Variants in MAEA observed in about 807,000 individuals in gnomAD.
The protein encoded by MAEA is E3 ubiquitin-protein transferase MAEA.
MAEA carries 22 observed loss-of-function variants against 46.2 expected under a neutral mutation model. The ratio of observed to expected loss-of-function variants is 0.48; its 90% confidence interval spans 0.34 to 0.68. The LOEUF is 0.68. Ranked by LOEUF, MAEA falls within the 30% of genes least tolerant of loss-of-function variation. The pLI, the probability that MAEA is intolerant of heterozygous loss-of-function variation, is 0.01. For synonymous variants in MAEA, 246 were observed against 222.6 expected (o/e 1.11, Z -0.94); for missense variants, 393 against 558.1 (o/e 0.70, Z 2.98).
chr4:1,290,160 G>GGGCGGC (rs1733954400), intron 1 of MAEA, among the ~76,000 whole-genome samples, 178 bp downstream of exon 1: 1 of 150,968 alleles, frequency 6.6e-6, no homozygotes, highest in African/African-American at 2.4e-5. Context: ...GGTGTGGCGG[G>GGGCGGC]GGCGGCGGCT....
intron 2 of MAEA, among the ~76,000 whole-genome samples, chr4:1,314,189 G>T (rs111726034): frequency 1.0e-4 from 15 of 150,706 alleles, no homozygotes; most frequent in African/African-American, 3.2e-4. Context: ...AATTAGCCGG[G>T]CATGGTGTAC....
At chr4:1,323,119 G>A (rs546473412) in intron 4 of MAEA, among the ~76,000 whole-genome samples, 1 of 151,874 alleles carries the variant, frequency 6.6e-6, no homozygotes, top group East Asian at 1.9e-4. Context: ...GCTAATTTTT[G>A]TATTTTTAGT....
rs545643378 is a variant in MAEA, at chr4:1,300,772, C to A, written c.69+10790C>A. 2.4e-4 allele frequency among the ~76,000 whole-genome samples: 37 copies of A among 152,390 alleles called. No individual in the cohort carries two copies. In the East Asian group the frequency reaches 5.2e-3, roughly 21 times the overall value. On this transcript the variant is annotated intron_variant, in intron 1 of 8. Transcript: ENST00000303400. Reference sequence around the variant, plus strand: ...GAGCTCAGGGCCGACAGCACTCTTGCCACTGCGAGCTTTGTAGGGCGCAAC... The same window carrying A: ...GAGCTCAGGGCCGACAGCACTCTTGACACTGCGAGCTTTGTAGGGCGCAAC...
At chr4:1,334,854 C>A (rs1257580134) in intron 6 of MAEA, 1 of 985,308 alleles carries the variant, frequency 1.0e-6, no homozygotes, top group Non-Finnish European at 1.2e-6. Flanking sequence ...TGAGGACCTT[C>A]TGGACTGTGG....
At chr4:1,319,965 T>A (rs1420205651) in intron 3 of MAEA, among the ~76,000 whole-genome samples, 1 of 144,786 alleles carries the variant, frequency 6.9e-6, no homozygotes, top group Non-Finnish European at 1.5e-5. Flanking sequence ...AAGAAAACGC[T>A]ATGAAGGGGC....
intron 3 of MAEA, among the ~76,000 whole-genome samples, chr4:1,319,191 A>AT (rs1306870879): frequency 6.6e-6 from 1 of 151,928 alleles, no homozygotes; most frequent in South Asian, 2.1e-4. Context: ...TTCTCTACAA[A>AT]TTTTTTTTCA....
intron 3 of MAEA, among the ~76,000 whole-genome samples, chr4:1,318,796 A>ACCTGTGCACCAAAATT (rs895999167): frequency 3.3e-5 from 5 of 152,062 alleles, no homozygotes; most frequent in African/African-American, 1.2e-4. Flanking sequence ...CCAGTTTCCT[A>ACCTGTGCACCAAAATT]CCTGTGCACC....
intron 1 of MAEA, among the ~76,000 whole-genome samples, chr4:1,292,000 A>G (rs1395955409): frequency 6.6e-6 from 1 of 152,208 alleles, no homozygotes; most frequent in Non-Finnish European, 1.5e-5. Flanking sequence ...TCCTTGATTT[A>G]GAAGCATTTA....
At chr4:1,292,675 G>T (rs1406374720) in intron 1 of MAEA, among the ~76,000 whole-genome samples, 4 of 152,168 alleles carry the variant, frequency 2.6e-5, no homozygotes, top group African/African-American at 9.7e-5. Context: ...TGCCCTGGGG[G>T]CATGCACACA....
intron 1 of MAEA, chr4:1,310,006 T>C (rs1736286355): frequency 1.6e-6 from 2 of 1,219,920 alleles, no homozygotes. Flanking sequence ...GGTGTGCGGA[T>C]GCTGTGTGGG....
chr4:1,301,600 G>T (rs1426512075), intron 1 of MAEA, among the ~76,000 whole-genome samples: 1 of 152,228 alleles, frequency 6.6e-6, no homozygotes, highest in Non-Finnish European at 1.5e-5. Flanking sequence ...ACTTTGGGAG[G>T]CTGAGGCAGG....
intron 1 of MAEA, among the ~76,000 whole-genome samples, chr4:1,308,632 C>CA (rs1295123026): frequency 2.0e-5 from 3 of 152,252 alleles, no homozygotes; most frequent in Non-Finnish European, 2.9e-5. Flanking sequence ...GGTGATGCCT[C>CA]ACGTCTGCAC....
At chr4:1,327,560 GC>G in intron 4 of MAEA, 66 bp from the exon 5 acceptor site, 8 of 1,093,608 alleles carry the variant, frequency 7.3e-6, no homozygotes, top group Non-Finnish European at 1.1e-5. Context: ...ACATGCGGGT[GC>G]GGCACCCGGG....
chr4:1,338,350 G>A, intron 7 of MAEA, 72 bp from the exon 8 acceptor site: 1 of 1,258,942 alleles, frequency 7.9e-7, no homozygotes, highest in Non-Finnish European at 1.1e-6. Flanking sequence ...CCAGGGCAGA[G>A]TGGCCACAGG....
chr4:1,319,298 A>G (rs1303064056), intron 3 of MAEA, among the ~76,000 whole-genome samples: 1 of 151,730 alleles, frequency 6.6e-6, no homozygotes, highest in Non-Finnish European at 1.5e-5. Flanking sequence ...GGCTGCAGTG[A>G]GCCAAGATTG....
chr4:1,315,373 G>A (rs1278840419), intron 2 of MAEA, 24 bp from the exon 3 acceptor site: 9 of 1,611,400 alleles, frequency 5.6e-6, no homozygotes, highest in African/African-American at 2.7e-5. Flanking sequence ...TGTCCTGAAC[G>A]TGCCTCTGTT....
chr4:1,290,933 C>T (rs913080655), intron 1 of MAEA, among the ~76,000 whole-genome samples: 1 of 152,214 alleles, frequency 6.6e-6, no homozygotes, highest in Non-Finnish European at 1.5e-5. Context: ...TACTGGGAGA[C>T]ATCAGGGCCC....
intron 6 of MAEA, among the ~76,000 whole-genome samples, chr4:1,333,181 T>A (rs985702327): frequency 1.3e-5 from 2 of 151,754 alleles, no homozygotes; most frequent in Non-Finnish European, 2.9e-5. Flanking sequence ...ACAAAAAAAA[T>A]TTTTTTGAAA....
At chr4:1,302,723 G>A (rs369000318) in intron 1 of MAEA, among the ~76,000 whole-genome samples, 3 of 152,040 alleles carry the variant, frequency 2.0e-5, no homozygotes, top group African/African-American at 4.8e-5. Flanking sequence ...CTCGTGATCC[G>A]CCCGCCTCAG....
Sources: gnomAD v4.1 joint callset for allele counts (sites outside exome capture counted in the v4.1 genomes callset) on GRCh38, gnomAD v4.1.1 for gene constraint, MANE v1.5 for transcripts, NCBI Gene and HGNC (gene_info 2026-07-23, HGNC 2026-07-21) for gene names.